The following SENP7 variants were observed in gnomAD, a reference collection of about 807,000 sequenced individuals.
The protein encoded by SENP7 is SUMO specific peptidase 7.
SENP7 carries 64 observed loss-of-function variants against 141.2 expected under a neutral mutation model. That is an observed-to-expected ratio of 0.45 (90% confidence interval 0.37 to 0.56). The LOEUF is 0.56. Among genes scored for constraint, SENP7 ranks in the 20% least tolerant of loss-of-function variants. The pLI is 0.00. For missense variants in SENP7, 1,025 were observed against 1,212.2 expected (o/e 0.85, Z 2.29); for synonymous variants, 382 against 426.4 (o/e 0.90, Z 1.28).
intron 4 of SENP7, among the ~76,000 whole-genome samples, chr3:101,439,570 C>A (rs1305279728): frequency 6.6e-4 from 27 of 40,706 alleles, no homozygotes; most frequent in Non-Finnish European, 9.9e-4. Flanking sequence ...CCCCGCCCGG[C>A]CAGCCGCCCC....
intron 6 of SENP7, among the ~76,000 whole-genome samples, chr3:101,398,556 G>A (rs530024469): frequency 6.6e-6 from 1 of 152,312 alleles, no homozygotes; most frequent in South Asian, 2.1e-4. Context: ...ATAGACTAAT[G>A]TCAGAGGAAT....
chr3:101,387,931 G>A (rs1387319680), intron 6 of SENP7, among the ~76,000 whole-genome samples: 1 of 152,186 alleles, frequency 6.6e-6, no homozygotes, highest in Non-Finnish European at 1.5e-5. Flanking sequence ...CTGAGTACAA[G>A]CCTACCTGAC....
chr3:101,421,290 C>T (rs572096924), intron 4 of SENP7, among the ~76,000 whole-genome samples: 27 of 151,564 alleles, frequency 1.8e-4, no homozygotes, highest in African/African-American at 4.6e-4. Flanking sequence ...CACCGAGAGA[C>T]GGCAAATGTG....
intron 4 of SENP7, among the ~76,000 whole-genome samples, chr3:101,440,440 G>A (rs2062619732): frequency 1.8e-5 from 2 of 113,342 alleles, no homozygotes; most frequent in South Asian, 6.7e-4. Flanking sequence ...ACTGCGGAAG[G>A]CCGCAGGGTC....
intron 19 of SENP7, among the ~76,000 whole-genome samples, chr3:101,330,990 G>C (rs1405248773): frequency 6.6e-6 from 1 of 152,118 alleles, no homozygotes; most frequent in Admixed American, 6.5e-5. Context: ...AATTATAAGA[G>C]ATCCTATATT....
chr3:101,415,160 A>T (rs200841781), intron 5 of SENP7, among the ~76,000 whole-genome samples: 16,482 of 120,096 alleles, frequency 0.14, no homozygotes, highest in Admixed American at 0.17. Context: ...TGTAATTTAT[A>T]CAAGGGCATA....
At chr3:101,342,460 C>G (rs1365585910) in intron 14 of SENP7, among the ~76,000 whole-genome samples, 1 of 152,086 alleles carries the variant, frequency 6.6e-6, no homozygotes, top group African/African-American at 2.4e-5. Flanking sequence ...TTTAGACTTA[C>G]AAAAGAGTTG....
At chr3:101,439,257 G>A (rs199575458) in intron 4 of SENP7, among the ~76,000 whole-genome samples, 11,407 of 99,672 alleles carry the variant, frequency 0.11, 149 homozygotes, top group Middle Eastern at 0.15. Context: ...GTCTCTGCCC[G>A]GCCGCCCCGT....
intron 19 of SENP7, among the ~76,000 whole-genome samples, chr3:101,330,814 T>C (rs1559676441): frequency 6.6e-6 from 1 of 152,230 alleles, no homozygotes; most frequent in East Asian, 1.9e-4. Context: ...TCATCAGTTT[T>C]TCTTTTTCCC....
At chr3:101,332,247 A>ATT (rs1262123862) in intron 18 of SENP7, 138 bp from the exon 19 acceptor site, 1 of 814,172 alleles carries the variant, frequency 1.2e-6, no homozygotes, top group East Asian at 2.7e-5. Flanking sequence ...TCATTATAAT[A>ATT]TAGAGCATAC....
chr3:101,399,169 G>A (rs577348425), intron 5 of SENP7, 114 bp from the exon 6 acceptor site: 125 of 568,908 alleles, frequency 2.2e-4, no homozygotes, highest in East Asian at 1.1e-3. Flanking sequence ...AAAGCTGTTC[G>A]AACTACACCA....
At chr3:101,394,832 C>T (rs1330715093) in intron 6 of SENP7, among the ~76,000 whole-genome samples, 1 of 152,062 alleles carries the variant, frequency 6.6e-6, no homozygotes, top group African/African-American at 2.4e-5. Context: ...TCTTTCTAAC[C>T]GCCATTCTAG....
chr3:101,477,834 G>A lies in SENP7; in HGVS notation c.186+16039C>T, dbSNP rs528441863. Among the ~76,000 whole-genome samples the A allele has an allele frequency of 2.5e-4, 38 of 149,412 alleles. 1 individual carries two copies. The East Asian group carries it at 7.5e-3, about 29-fold the overall frequency. On this transcript the variant is annotated intron_variant, in intron 3 of 23. Coordinates refer to ENST00000394095, the MANE Select transcript of SENP7 (RefSeq NM_020654.5). ...CCACTGCACTCCAGCCTGGGTGGCA[G>A]AGTGAGTCTCCATCTCAAAAAAAAA...
intron 1 of SENP7, among the ~76,000 whole-genome samples, chr3:101,512,234 CAT>C (rs1019010272): frequency 5.9e-5 from 9 of 152,174 alleles, no homozygotes; most frequent in African/African-American, 1.7e-4. Context: ...GGACTGTAAG[CAT>C]ATGAGTCCTC....
At chr3:101,354,268 CCTTTT>C (rs1370448113) in intron 11 of SENP7, among the ~76,000 whole-genome samples, 1 of 151,752 alleles carries the variant, frequency 6.6e-6, no homozygotes, top group Non-Finnish European at 1.5e-5. Flanking sequence ...AAATTTGTTA[CCTTTT>C]ATTTTAGGTT....
chr3:101,418,380 T>C (rs1353542075), intron 4 of SENP7, among the ~76,000 whole-genome samples: 1 of 152,064 alleles, frequency 6.6e-6, no homozygotes, highest in Non-Finnish European at 1.5e-5. Flanking sequence ...GCCCATCATG[T>C]TTTACCCATC....
At chr3:101,500,429 T>C (rs1410100017) in intron 2 of SENP7, among the ~76,000 whole-genome samples, 2 of 151,790 alleles carry the variant, frequency 1.3e-5, no homozygotes, top group Non-Finnish European at 2.9e-5. Context: ...TGGTGGCACA[T>C]CCCTGTATTC....
chr3:101,480,914 A>T (rs2064444009), intron 3 of SENP7, among the ~76,000 whole-genome samples: 1 of 151,622 alleles, frequency 6.6e-6, no homozygotes. Flanking sequence ...AAATAAAACC[A>T]CAATGAGATA....
chr3:101,348,149 A>T lies in SENP7; in HGVS notation c.1658-98T>A, dbSNP rs980909217. The stretch of plus-strand genomic sequence containing the variant: ...ACTTGTTAATACACTACTTTTTTTA[A>T]AAAAAAGAGAATTATATAGTTTTTT... On this transcript the variant is annotated intron_variant, in intron 12 of 23. Coordinates refer to ENST00000394095, the MANE Select transcript of SENP7 (RefSeq NM_020654.5). The T allele has an allele frequency of 3.6e-4, 266 of 731,936 alleles. 1 individual carries two copies. The highest frequency in any genetic ancestry group is 4.5e-4 in the Non-Finnish European group (224 of 501,414). The allele number at this position is 731,936 out of a possible 1,614,324, so 45.3% of individuals were successfully genotyped here.
Sources: allele counts gnomAD v4.1 joint callset (sites outside exome capture counted in the v4.1 genomes callset), GRCh38; gene constraint gnomAD v4.1.1; transcripts MANE v1.5; gene names NCBI Gene and HGNC (gene_info 2026-07-23, HGNC 2026-07-21).